The following ASXL3 variants were observed in gnomAD, a reference collection of about 807,000 sequenced individuals.
The protein encoded by ASXL3 is ASXL transcriptional regulator 3, also known as putative Polycomb group protein ASXL3.
A neutral mutation model predicts 170.6 loss-of-function variants in ASXL3; 34 were observed. The observed-to-expected ratio is 0.20, with a 90% CI of 0.15 to 0.27. The LOEUF (loss-of-function observed/expected upper bound fraction) is 0.27. ASXL3 is among the 10% of genes least tolerant of loss of function. The probability of loss-of-function intolerance (pLI) is 1.00; values close to 1 mark genes in which losing one functional copy is unlikely to be tolerated. For synonymous variants in ASXL3, 1,002 were observed against 989.1 expected, an observed-to-expected ratio of 1.01 and a Z score of -0.24; for missense variants, 2,592 against 2,695.3, an observed-to-expected ratio of 0.96 and a Z score of 0.85.
intron 2 of ASXL3, among the ~76,000 whole-genome samples, chr18:33,631,669 C>T (rs1197890861): frequency 6.6e-6 from 1 of 152,084 alleles, no homozygotes; most frequent in Non-Finnish European, 1.5e-5. Flanking sequence ...CAGCGACTCT[C>T]AAACTTGGTT....
At chr18:33,603,557 T>C (rs2065208442) in intron 1 of ASXL3, among the ~76,000 whole-genome samples, 1 of 151,852 alleles carries the variant, frequency 6.6e-6, no homozygotes, top group African/African-American at 2.4e-5. Flanking sequence ...GATAAGAAGG[T>C]GGAATGTAAT....
chr18:33,709,235 A>G (rs1026563623), intron 8 of ASXL3, among the ~76,000 whole-genome samples: 9 of 152,122 alleles, frequency 5.9e-5, no homozygotes, highest in Admixed American at 2.0e-4. Context: ...AGTATTTATT[A>G]AAGTTGACCT....
At chr18:33,733,291 A>AT (rs2067482939) in intron 9 of ASXL3, among the ~76,000 whole-genome samples, 1 of 152,166 alleles carries the variant, frequency 6.6e-6, no homozygotes, top group South Asian at 2.1e-4. Context: ...AAAATGCCTA[A>AT]TATTAAATTC....
At chr18:33,713,260 T>TTG (rs2067105860) in intron 8 of ASXL3, among the ~76,000 whole-genome samples, 4 of 116,086 alleles carry the variant, frequency 3.4e-5, no homozygotes, top group Admixed American at 2.7e-4. Context: ...TTTTTTTTTT[T>TTG]TTTTTTTTTT....
intron 2 of ASXL3, among the ~76,000 whole-genome samples, chr18:33,623,928 G>A (rs577816398): frequency 6.6e-6 from 1 of 152,264 alleles, no homozygotes; most frequent in African/African-American, 2.4e-5. Flanking sequence ...GGAGGCCATG[G>A]CAGGAGGATG....
At chr18:33,713,230 TTTTTTTTGTTTTGTTTTG>T (rs1462572954) in intron 8 of ASXL3, among the ~76,000 whole-genome samples, 912 of 64,614 alleles carry the variant, frequency 0.014, 165 homozygotes, top group African/African-American at 0.073. Context: ...CACAAGAAGG[TTTTTTTTGTTTTGTTTTG>T]TTTTTTTTTT....
At chr18:33,631,920 T>C (rs1390704458) in intron 2 of ASXL3, among the ~76,000 whole-genome samples, 2 of 152,168 alleles carry the variant, frequency 1.3e-5, no homozygotes, top group East Asian at 1.9e-4. Flanking sequence ...GATATAAATA[T>C]TGTTATTCAG....
chr18:33,630,938 C>G (rs1014685418), intron 2 of ASXL3, among the ~76,000 whole-genome samples: 10 of 151,126 alleles, frequency 6.6e-5, no homozygotes, highest in Non-Finnish European at 1.3e-4. Flanking sequence ...CAGACACAAT[C>G]AAAAATGTAA....
intron 7 of ASXL3, among the ~76,000 whole-genome samples, chr18:33,679,396 T>G (rs947580956): frequency 6.6e-6 from 1 of 152,112 alleles, no homozygotes; most frequent in African/African-American, 2.4e-5. Context: ...ATATTAGATT[T>G]TTTTAATGGA....
chr18:33,681,528 T>G (rs959125805), intron 7 of ASXL3, among the ~76,000 whole-genome samples: 4 of 152,088 alleles, frequency 2.6e-5, no homozygotes, highest in Non-Finnish European at 5.9e-5. Flanking sequence ...ATTGATTTAT[T>G]GATAATATTT....
chr18:33,728,215 G>A (rs2067380634), intron 8 of ASXL3, among the ~76,000 whole-genome samples: 1 of 152,132 alleles, frequency 6.6e-6, no homozygotes, highest in African/African-American at 2.4e-5. Flanking sequence ...TCTGCAAGAT[G>A]CTAAGTGTTA....
At chr18:33,586,892 T>A (rs28376098) in intron 1 of ASXL3, among the ~76,000 whole-genome samples, 2,891 of 152,318 alleles carry the variant, frequency 0.019, 90 homozygotes, top group African/African-American at 0.066. Flanking sequence ...ACAGTGTTCC[T>A]GTCTATTAGG....
chr18:33,686,507 C>T (rs917967060), intron 8 of ASXL3, among the ~76,000 whole-genome samples: 4 of 152,170 alleles, frequency 2.6e-5, no homozygotes, highest in Admixed American at 6.5e-5. Flanking sequence ...AGAGAGGATG[C>T]TTAAGTTGAA....
intron 2 of ASXL3, among the ~76,000 whole-genome samples, chr18:33,637,278 G>T (rs1182595351): frequency 6.6e-6 from 1 of 152,048 alleles, no homozygotes; most frequent in South Asian, 2.1e-4. Context: ...GATAGGCGTT[G>T]TTGCTAAATG....
chr18:33,627,089 C>G (rs893947226), intron 2 of ASXL3: 1 of 152,508 alleles, frequency 6.6e-6, no homozygotes, highest in East Asian at 1.9e-4. Flanking sequence ...CAGCTAGTGA[C>G]GTTGGGTGAA....
intron 7 of ASXL3, among the ~76,000 whole-genome samples, chr18:33,675,779 T>A (rs2066415460): frequency 6.6e-6 from 1 of 152,088 alleles, no homozygotes; most frequent in Non-Finnish European, 1.5e-5. Flanking sequence ...TCAACACTCT[T>A]CAGTACAGGA....
rs527259744 is a variant in ASXL3 at position 33,739,624 on chromosome 18, C to G, written c.2220C>G (p.Thr740=). 3.7e-5 allele frequency: 59 copies of G among 1,613,852 alleles called. 1 individual carries two copies. The South Asian group carries it at 6.5e-4, about 18-fold the overall frequency. The change falls in exon 11 of 12, where the codon ACC becomes ACG. Residue 740 remains threonine (T), a synonymous_variant. Transcript: ENST00000269197. ...CTTCCATGCTTCTCACCTCTGAGAC[C>G]ACTTTTGTATCCAGTTTGCCACTTC... is the stretch of plus-strand genomic sequence containing the variant. The part of the protein sequence containing the change: ...SVSSMLLTSE[T]TFVSSLPLPS...
At chr18:33,661,155 T>C (rs1215238978) in intron 4 of ASXL3, among the ~76,000 whole-genome samples, 1 of 152,196 alleles carries the variant, frequency 6.6e-6, no homozygotes, top group Non-Finnish European at 1.5e-5. Context: ...AGGTCACAGA[T>C]TCTATAGTAG....
At chr18:33,587,791 A>G (rs1256474435) in intron 1 of ASXL3, among the ~76,000 whole-genome samples, 2 of 152,022 alleles carry the variant, frequency 1.3e-5, no homozygotes, top group Non-Finnish European at 2.9e-5. Flanking sequence ...GGAGAAACTT[A>G]GTAGGAAAAA....
Sources: gnomAD v4.1 joint callset for allele counts (sites outside exome capture counted in the v4.1 genomes callset) on GRCh38, gnomAD v4.1.1 for gene constraint, MANE v1.5 for transcripts, NCBI Gene and HGNC (gene_info 2026-07-23, HGNC 2026-07-21) for gene names.